Variants in CFDP1 observed in about 807,000 individuals in gnomAD.
The protein encoded by CFDP1 is heterochromatin-stabilizing protein CFDP1.
In CFDP1, 31 loss-of-function variants were observed where a neutral mutation model predicts 40.1. The observed-to-expected ratio is 0.77, with a 90% CI of 0.58 to 1.04. CFDP1 has a LOEUF of 1.04. CFDP1 is among the 50% of genes least tolerant of loss of function. The pLI, the probability that CFDP1 is intolerant of heterozygous loss-of-function variation, is 0.00. For missense variants in CFDP1, 423 were observed against 343.4 expected (o/e 1.23, Z -1.83); for synonymous variants, 167 against 120.0 (o/e 1.39, Z -2.56).
chr16:75,297,382 G>C (rs2078191458), intron 6 of CFDP1, among the ~76,000 whole-genome samples: 1 of 152,138 alleles, frequency 6.6e-6, no homozygotes, highest in Non-Finnish European at 1.5e-5. Flanking sequence ...AGGGCAACCG[G>C]AACAGAGACC....
Position 75,424,421 on chromosome 16 carries a change from C to T in CFDP1, c.64+8868G>A, listed in dbSNP as rs78459725. Among the ~76,000 whole-genome samples, 47 of 152,312 alleles carry T rather than the reference C, an allele frequency of 3.1e-4. No individual in the cohort carries two copies. The East Asian group carries it at 8.7e-3, about 28-fold the overall frequency. ...TGTGAAAAACCTATAGCTAACACCA[C>T]ATCAAGTGGTAAAACACTAGTTTCT... is the stretch of plus-strand genomic sequence containing the variant. On this transcript the variant is annotated intron_variant, in intron 1 of 6. Transcript: ENST00000283882.
chr16:75,422,673 G>A (rs1416324922), intron 1 of CFDP1, among the ~76,000 whole-genome samples: 2 of 151,778 alleles, frequency 1.3e-5, no homozygotes, highest in Non-Finnish European at 2.9e-5. Flanking sequence ...GGGATTACAG[G>A]TCAGAGCCAC....
chr16:75,376,260 C>T (rs1030586174), intron 5 of CFDP1, among the ~76,000 whole-genome samples: 2 of 152,126 alleles, frequency 1.3e-5, no homozygotes, highest in Non-Finnish European at 2.9e-5. Context: ...CACATCTACT[C>T]CATGACCTAG....
At chr16:75,361,447 C>A (rs1384342340) in intron 5 of CFDP1, among the ~76,000 whole-genome samples, 1 of 151,994 alleles carries the variant, frequency 6.6e-6, no homozygotes, top group South Asian at 2.1e-4. Flanking sequence ...TGAATCCCCA[C>A]GTACACTAAA....
chr16:75,375,653 G>A (rs1232002869), intron 5 of CFDP1, among the ~76,000 whole-genome samples: 1 of 152,038 alleles, frequency 6.6e-6, no homozygotes. Context: ...TTAGCCAGGT[G>A]TGGTGGCATC....
intron 5 of CFDP1, among the ~76,000 whole-genome samples, chr16:75,341,388 C>T (rs1193274259): frequency 6.6e-6 from 1 of 152,086 alleles, no homozygotes; most frequent in Non-Finnish European, 1.5e-5. Flanking sequence ...ACTGGCTTTG[C>T]TATAATGTTC....
intron 5 of CFDP1, among the ~76,000 whole-genome samples, chr16:75,338,088 GTTCAT>G (rs1400135768): frequency 1.3e-5 from 2 of 152,124 alleles, no homozygotes; most frequent in Non-Finnish European, 2.9e-5. Context: ...TCTGCTCTCT[GTTCAT>G]TTCCTCTTAC....
intron 1 of CFDP1, among the ~76,000 whole-genome samples, chr16:75,423,446 T>G (rs1190778963): frequency 1.3e-5 from 2 of 152,046 alleles, no homozygotes. Flanking sequence ...TTCTCGTGCC[T>G]CAGCCCAGTA....
intron 5 of CFDP1, among the ~76,000 whole-genome samples, chr16:75,336,364 T>C (rs1321394088): frequency 6.6e-6 from 1 of 152,106 alleles, no homozygotes; most frequent in Non-Finnish European, 1.5e-5. Flanking sequence ...GAGGCCTCTC[T>C]GAGAAGGGAC....
At chr16:75,323,812 TA>T (rs1359898036) in intron 5 of CFDP1, among the ~76,000 whole-genome samples, 2 of 151,564 alleles carry the variant, frequency 1.3e-5, no homozygotes, top group Non-Finnish European at 2.9e-5. Flanking sequence ...TATACATACA[TA>T]AAACAGTAAC....
chr16:75,320,982 T>G (rs1431514515), intron 5 of CFDP1, among the ~76,000 whole-genome samples: 3 of 151,140 alleles, frequency 2.0e-5, no homozygotes, highest in Non-Finnish European at 4.4e-5. Flanking sequence ...CAGCTAGTAT[T>G]TTTTTTTTAA....
chr16:75,358,234 AC>A (rs548538629), intron 5 of CFDP1, among the ~76,000 whole-genome samples: 77 of 152,336 alleles, frequency 5.1e-4, no homozygotes, highest in South Asian at 8.3e-4. Context: ...TTAAAATGGC[AC>A]GGGTAGATAT....
chr16:75,385,348 G>C (rs1463270911), intron 5 of CFDP1, among the ~76,000 whole-genome samples: 1 of 151,976 alleles, frequency 6.6e-6, no homozygotes, highest in African/African-American at 2.4e-5. Context: ...ATTAACAATT[G>C]GAAAGGCAGA....
At chr16:75,405,915 T>C (rs8055093) in intron 4 of CFDP1, among the ~76,000 whole-genome samples, 9,216 of 144,182 alleles carry the variant, frequency 0.064, 319 homozygotes, top group Middle Eastern at 0.14. Flanking sequence ...CAAAACCCCG[T>C]CTCCAAAAAA....
chr16:75,432,370 TAAA>T (rs55961935), intron 1 of CFDP1, among the ~76,000 whole-genome samples: 24 of 105,570 alleles, frequency 2.3e-4, no homozygotes, highest in South Asian at 6.7e-4. Flanking sequence ...ATGCCATTTC[TAAA>T]AAAAAAAAAA....
chr16:75,308,936 T>A (rs1027482744), intron 5 of CFDP1, among the ~76,000 whole-genome samples: 2 of 152,258 alleles, frequency 1.3e-5, no homozygotes, highest in Non-Finnish European at 2.9e-5. Context: ...AAATGTCACC[T>A]GTGCTATTAT....
chr16:75,429,943 G>T (rs1347416939), intron 1 of CFDP1, among the ~76,000 whole-genome samples: 1 of 151,446 alleles, frequency 6.6e-6, no homozygotes, highest in Non-Finnish European at 1.5e-5. Context: ...CAAGGTGGTT[G>T]GGGTGCAGCT....
intron 5 of CFDP1, among the ~76,000 whole-genome samples, chr16:75,359,556 C>T (rs184628183): frequency 1.9e-3 from 296 of 152,328 alleles, no homozygotes; most frequent in African/African-American, 6.5e-3. Context: ...CCACCCAAAA[C>T]TCATGCCTTG....
intron 5 of CFDP1, among the ~76,000 whole-genome samples, chr16:75,343,465 T>C (rs1003292676): frequency 6.6e-6 from 1 of 152,136 alleles, no homozygotes; most frequent in African/African-American, 2.4e-5. Flanking sequence ...TTCCACATCA[T>C]GTAGATGAGA....
Sources: allele counts gnomAD v4.1 joint callset (sites outside exome capture counted in the v4.1 genomes callset), GRCh38; gene constraint gnomAD v4.1.1; transcripts MANE v1.5; gene names NCBI Gene and HGNC (gene_info 2026-07-23, HGNC 2026-07-21).